ATRX: variants seen among roughly 807,000 people sequenced by gnomAD.
ATRX encodes the protein ATRX chromatin remodeler.
ATRX carries 12 observed loss-of-function variants against 172.6 expected under a neutral mutation model. The ratio of observed to expected loss-of-function variants is 0.07; its 90% CI spans 0.04 to 0.11. The LOEUF (loss-of-function observed/expected upper bound fraction) is 0.11, where lower values mean the gene tolerates loss of function less well. Among genes scored for constraint, ATRX ranks in the 10% least tolerant of loss-of-function variants. The pLI is 1.00. For synonymous variants in ATRX, 674 were observed against 594.7 expected, an observed-to-expected ratio of 1.13 and a Z score of -1.94; for missense variants, 1,368 against 1,767.4, an observed-to-expected ratio of 0.77 and a Z score of 4.05.
intron 30 of ATRX, among the ~76,000 whole-genome samples, chrX:77,532,046 A>T (rs5913342): frequency 0.54 from 59,070 of 109,688 alleles, 13,233 homozygotes; most frequent in Non-Finnish European, 0.68. Context: ...CTACAGAGAG[A>T]ATAAAATACC....
chrX:77,515,534 C>T (rs993490713), intron 34 of ATRX, among the ~76,000 whole-genome samples: 2 of 111,304 alleles, frequency 1.8e-5, no homozygotes, highest in Non-Finnish European at 3.8e-5. Context: ...CTCATACTCA[C>T]GTCCCCTCAT....
intron 34 of ATRX, among the ~76,000 whole-genome samples, chrX:77,514,507 A>T (rs963422347): frequency 8.9e-6 from 1 of 112,020 alleles, no homozygotes; most frequent in Non-Finnish European, 1.9e-5. Context: ...GTAATGGGAA[A>T]AGGACTCCCT....
chrX:77,734,321 G>A (rs2074440527), intron 1 of ATRX, among the ~76,000 whole-genome samples: 1 of 111,721 alleles, frequency 9.0e-6, no homozygotes, highest in Middle Eastern at 4.6e-3. Context: ...AGGAGGCTGA[G>A]GCAGGAGAAT....
chrX:77,697,661 G>C (rs782142477), intron 3 of ATRX, 26 bp from the exon 4 acceptor site: 10 of 1,189,187 alleles, frequency 8.4e-6, no homozygotes, highest in Non-Finnish European at 1.0e-5. Context: ...AAATATAAAA[G>C]TGAATAAAAT....
In ATRX at chrX:77,683,003, A is replaced by G. The variant is rs2071332682; in HGVS notation, c.2253T>C (p.Asp751=). 1 of 1,210,821 alleles carries G rather than the reference A, an allele frequency of 8.3e-7. No individual in the cohort carries two copies. Residue 751 remains aspartate (D), a synonymous_variant, in exon 9 of 35, where the codon GAT becomes GAC. Coordinates refer to ENST00000373344, the MANE Select transcript of ATRX (RefSeq NM_000489.6). The part of the protein sequence containing the change: ...VSRMSHSSSS[D]TDINEIHTNH... ...TTGTATGAATTTCATTAATATCAGT[A>G]TCTGAAGAAGAACTGTGACTCATCC...
intron 30 of ATRX, among the ~76,000 whole-genome samples, chrX:77,530,919 CAAAT>C (rs1456115560): frequency 9.0e-6 from 1 of 111,684 alleles, no homozygotes; most frequent in East Asian, 2.8e-4. Context: ...AAATAAAAAT[CAAAT>C]AAAAAATAAA....
rs781916676 is a variant in ATRX at position 77,548,349 on chromosome X, T to C, written c.6699+9102A>G. ...ATAACAATCATTTTATACTAGTAAATACAAAGATAGGAATAATATTCAAAC... is the reference window on the plus strand; with the variant it reads ...ATAACAATCATTTTATACTAGTAAACACAAAGATAGGAATAATATTCAAAC... On this transcript the variant is annotated intron_variant, in intron 30 of 34. Coordinates refer to ENST00000373344, the MANE Select transcript of ATRX (RefSeq NM_000489.6). Among the ~76,000 whole-genome samples, 3 of 111,354 alleles carry C rather than the reference T, an allele frequency of 2.7e-5. No individual in the cohort carries two copies. In the South Asian group the frequency reaches 1.1e-3, roughly 42 times the overall value.
chrX:77,666,158 A>C (rs2148504183), intron 10 of ATRX, among the ~76,000 whole-genome samples: 1 of 112,293 alleles, frequency 8.9e-6, no homozygotes, highest in East Asian at 2.8e-4. Context: ...CAGATGGATC[A>C]GGAATATTTA....
At chrX:77,708,987 G>A (rs1378316745) in intron 2 of ATRX, among the ~76,000 whole-genome samples, 2 of 111,814 alleles carry the variant, frequency 1.8e-5, no homozygotes, top group African/African-American at 6.5e-5. Context: ...TGGGAAGATC[G>A]CTTGAGGCCA....
intron 22 of ATRX, among the ~76,000 whole-genome samples, chrX:77,604,623 A>C (rs1446717674): frequency 8.9e-6 from 1 of 112,215 alleles, no homozygotes; most frequent in Non-Finnish European, 1.9e-5. Flanking sequence ...CATTTGATCC[A>C]GCAATCCCAC....
Position 77,562,430 on chromosome X carries a change from T to C in ATRX, c.6327-3584A>G, listed in dbSNP as rs1454205037. Among the ~76,000 whole-genome samples, 3 of 112,235 alleles carry C rather than the reference T, an allele frequency of 2.7e-5. No homozygotes were observed. In the East Asian group the frequency reaches 8.4e-4, roughly 31 times the overall value. On this transcript the variant is annotated intron_variant, in intron 28 of 34. Transcript: ENST00000373344. The stretch of plus-strand genomic sequence containing the variant: ...GGTTGTTATTTTATATTCCCACTAG[T>C]AATGTAGGATAGAACTAGTTTCTCT...
intron 2 of ATRX, among the ~76,000 whole-genome samples, chrX:77,707,730 G>A (rs926013223): frequency 4.5e-5 from 5 of 111,990 alleles, no homozygotes; most frequent in African/African-American, 1.3e-4. Flanking sequence ...CTGGGAAACA[G>A]AGCAGGACCC....
chrX:77,682,772 C>G lies in ATRX; in HGVS notation c.2484G>C (p.Met828Ile), dbSNP rs782705007. ...TGGTTCTGGCAGCACCAATTTTACTCATGCTCTTTATCTCTTTTTCTAATT... is the reference window on the plus strand; with the variant it reads ...TGGTTCTGGCAGCACCAATTTTACTGATGCTCTTTATCTCTTTTTCTAATT... ...DSELEKEIKS[M>I]SKIGAARTTK... The change falls in exon 9 of 35, where the codon ATG (methionine) becomes ATC (isoleucine). Residue 828 changes from methionine to isoleucine, a missense_variant. By Grantham distance (10) the Met-to-Ile change is conservative. Coordinates refer to ENST00000373344, the MANE Select transcript of ATRX (RefSeq NM_000489.6). The G allele has an allele frequency of 3.6e-5, 44 of 1,208,612 alleles. No individual in the cohort carries two copies. Among genetic ancestry groups the G allele is most frequent in the Non-Finnish European group, 4.9e-5 (44 of 894,769 alleles).
At chrX:77,614,990 G>T (rs1431144007) in intron 22 of ATRX, among the ~76,000 whole-genome samples, 9 of 51,342 alleles carry the variant, frequency 1.8e-4, no homozygotes, top group Non-Finnish European at 3.8e-4. Context: ...TTTGTGATTG[G>T]TGGTGGTGGT....
intron 19 of ATRX, among the ~76,000 whole-genome samples, chrX:77,628,356 C>T (rs572046493): frequency 8.9e-6 from 1 of 112,405 alleles, no homozygotes; most frequent in African/African-American, 3.2e-5. Context: ...TGTTTAAGTA[C>T]ATTAAGTAGA....
intron 2 of ATRX, among the ~76,000 whole-genome samples, chrX:77,701,437 A>C: frequency 9.1e-6 from 1 of 109,683 alleles, no homozygotes; most frequent in Non-Finnish European, 1.9e-5. Context: ...ACTTGAATCC[A>C]GGAGGTGGAG....
At chrX:77,548,001 T>A (rs1311796004) in intron 30 of ATRX, among the ~76,000 whole-genome samples, 1 of 112,068 alleles carries the variant, frequency 8.9e-6, no homozygotes, top group Non-Finnish European at 1.9e-5. Flanking sequence ...AAACAGCAGC[T>A]AACATTTGAA....
intron 30 of ATRX, among the ~76,000 whole-genome samples, chrX:77,545,669 T>C (rs2064211645): frequency 9.0e-6 from 1 of 110,971 alleles, no homozygotes. Context: ...AGCTAAAAGA[T>C]ATGGAGGCTA....
At chrX:77,654,359 C>T (rs1433303230) in intron 13 of ATRX, among the ~76,000 whole-genome samples, 159 bp from the exon 14 acceptor site, 2 of 111,474 alleles carry the variant, frequency 1.8e-5, no homozygotes, top group African/African-American at 6.5e-5. Flanking sequence ...AGCAGCCTAA[C>T]CCTTCATTTT....
Sources: gnomAD v4.1 joint callset for allele counts (sites outside exome capture counted in the v4.1 genomes callset) on GRCh38, gnomAD v4.1.1 for gene constraint, MANE v1.5 for transcripts, NCBI Gene and HGNC (gene_info 2026-07-23, HGNC 2026-07-21) for gene names.